The following CNTN4 variants were observed in gnomAD, a reference collection of about 807,000 sequenced individuals.
CNTN4 encodes the protein contactin 4.
Under a neutral mutation model 122.5 loss-of-function variants are expected in CNTN4, and 77 were observed. The observed-to-expected ratio is 0.63, with a 90% CI of 0.52 to 0.76. The LOEUF (loss-of-function observed/expected upper bound fraction) is 0.76. Ranked by LOEUF, CNTN4 falls within the 30% of genes least tolerant of loss-of-function variation. The pLI, the probability that CNTN4 is intolerant of heterozygous loss-of-function variation, is 0.00. For missense variants in CNTN4, 1,256 were observed against 1,259.1 expected, an observed-to-expected ratio of 1.00 and a Z score of 0.04; for synonymous variants, 512 against 447.0, an observed-to-expected ratio of 1.15 and a Z score of -1.83.
intron 3 of CNTN4, among the ~76,000 whole-genome samples, chr3:2,448,140 C>T (rs1295743705): frequency 6.6e-6 from 1 of 152,026 alleles, no homozygotes; most frequent in Non-Finnish European, 1.5e-5. Flanking sequence ...CCTGTGGTCC[C>T]CTATGATGAG....
chr3:2,442,299 G>A (rs1559556036), intron 3 of CNTN4, among the ~76,000 whole-genome samples: 1 of 151,934 alleles, frequency 6.6e-6, no homozygotes, highest in African/African-American at 2.4e-5. Context: ...GTCTGGAACT[G>A]CCAAAAAAAT....
chr3:2,238,618 T>G (rs2039774864), intron 2 of CNTN4, among the ~76,000 whole-genome samples: 1 of 151,830 alleles, frequency 6.6e-6, no homozygotes, highest in Non-Finnish European at 1.5e-5. Context: ...TAATAAAATG[T>G]ATGTATTTTG....
Position 2,521,357 on chromosome 3 carries a change from C to T in CNTN4, c.-88-50059C>T, listed in dbSNP as rs1217047948. On this transcript the variant is annotated intron_variant, in intron 3 of 24. Coordinates refer to ENST00000418658, the MANE Select transcript of CNTN4 (RefSeq NM_175607.3). The stretch of plus-strand genomic sequence containing the variant: ...ACCTCTACCCATCCCCCCCACCCCC[C>T]GCAATAAGTCACTCATTTCTCAGGT... 7.4e-5 allele frequency among the ~76,000 whole-genome samples: 11 copies of T among 147,814 alleles called. No individual in the cohort carries two copies. The South Asian group carries it at 1.3e-3, about 18-fold the overall frequency.
chr3:2,731,239 T>C (rs2088657313), intron 4 of CNTN4, among the ~76,000 whole-genome samples: 2 of 152,172 alleles, frequency 1.3e-5, no homozygotes, highest in Non-Finnish European at 2.9e-5. Flanking sequence ...TTTCTGATAA[T>C]CCAAAGATTT....
intron 2 of CNTN4, among the ~76,000 whole-genome samples, chr3:2,148,296 G>A (rs1289754631): frequency 2.0e-5 from 3 of 152,108 alleles, no homozygotes; most frequent in Non-Finnish European, 4.4e-5. Flanking sequence ...CACTTTGGGA[G>A]GCCTAGGTGA....
At chr3:2,472,254 T>G (rs761981768) in intron 3 of CNTN4, among the ~76,000 whole-genome samples, 25 of 152,222 alleles carry the variant, frequency 1.6e-4, no homozygotes, top group Non-Finnish European at 2.5e-4. Context: ...CATTCATTTG[T>G]TTTTGAGACA....
rs1210971247 is a variant in CNTN4 at position 2,287,632 on chromosome 3, GAGA to G, written c.-144-51488_-144-51486del. 5.5e-3 allele frequency among the ~76,000 whole-genome samples: 274 copies of G among 49,380 alleles called. 1 individual carries two copies. Among genetic ancestry groups the G allele is most frequent in the African/African-American group, 0.012 (163 of 13,982 alleles). 32.4% of individuals were successfully genotyped at this position (49,380 alleles called of 152,430 possible). On this transcript the variant is annotated intron_variant, in intron 2 of 24. Coordinates refer to ENST00000418658, the MANE Select transcript of CNTN4 (RefSeq NM_175607.3). The stretch of plus-strand genomic sequence containing the variant: ...AAAGAAGGAGAAGGAGAAGGAGAAG[GAGA>G]AGAAGAAGAAGAAGAAGAAGAAGAA...
At chr3:2,287,931 A>G (rs1474642578) in intron 2 of CNTN4, among the ~76,000 whole-genome samples, 1 of 152,154 alleles carries the variant, frequency 6.6e-6, no homozygotes. Flanking sequence ...CTTATTGTAA[A>G]CTTGGTAAAT....
At chr3:2,581,925 G>A (rs2079958492) in intron 4 of CNTN4, among the ~76,000 whole-genome samples, 1 of 152,146 alleles carries the variant, frequency 6.6e-6, no homozygotes, top group African/African-American at 2.4e-5. Context: ...TTCCATTTAT[G>A]GACTGTCCAG....
intron 3 of CNTN4, among the ~76,000 whole-genome samples, chr3:2,490,454 C>G (rs1345599377): frequency 6.6e-6 from 1 of 152,114 alleles, no homozygotes; most frequent in East Asian, 1.9e-4. Flanking sequence ...TTTTTAGTGG[C>G]CTACCAAAAA....
intron 4 of CNTN4, among the ~76,000 whole-genome samples, chr3:2,681,329 A>G (rs375488464): frequency 8.4e-4 from 128 of 152,324 alleles, no homozygotes; most frequent in African/African-American, 2.4e-3. Flanking sequence ...CAGAATTTCT[A>G]AATGTTTTTT....
chr3:2,982,551 A>G (rs1694129661), intron 13 of CNTN4, among the ~76,000 whole-genome samples: 2 of 152,104 alleles, frequency 1.3e-5, no homozygotes, highest in South Asian at 2.1e-4. Context: ...CTTTCTCTAT[A>G]TGGTAGGCAA....
At chr3:2,292,331 T>C (rs2042164178) in intron 2 of CNTN4, among the ~76,000 whole-genome samples, 2 of 152,250 alleles carry the variant, frequency 1.3e-5, no homozygotes, top group Admixed American at 6.5e-5. Context: ...TTAGGATTTA[T>C]TGAAACACAG....
At chr3:2,492,207 AT>A (rs1280493337) in intron 3 of CNTN4, among the ~76,000 whole-genome samples, 3 of 152,188 alleles carry the variant, frequency 2.0e-5, no homozygotes, top group Non-Finnish European at 4.4e-5. Flanking sequence ...TTGAATTTTG[AT>A]GTAAAAGGTG....
intron 2 of CNTN4, among the ~76,000 whole-genome samples, chr3:2,128,347 T>C (rs561151810): frequency 6.6e-4 from 100 of 152,350 alleles, no homozygotes; most frequent in African/African-American, 2.2e-3. Context: ...ATACTTATTA[T>C]GCAGTAGATT....
chr3:2,165,044 C>T (rs1016116927), intron 2 of CNTN4, among the ~76,000 whole-genome samples: 3 of 152,118 alleles, frequency 2.0e-5, no homozygotes, highest in Admixed American at 2.0e-4. Flanking sequence ...CTAAGGTGGC[C>T]AGGCCTGGTG....
At chr3:2,107,189 A>T (rs921327160) in intron 2 of CNTN4, among the ~76,000 whole-genome samples, 2 of 152,244 alleles carry the variant, frequency 1.3e-5, no homozygotes, top group African/African-American at 4.8e-5. Flanking sequence ...CTGTTACCCA[A>T]TTACAAAGTT....
chr3:2,247,017 A>C (rs1559376536), intron 2 of CNTN4, among the ~76,000 whole-genome samples: 1 of 152,076 alleles, frequency 6.6e-6, no homozygotes, highest in African/African-American at 2.4e-5. Context: ...GGTTAAGTAC[A>C]AGCATAGAAT....
At chr3:2,162,231 T>C (rs1258229454) in intron 2 of CNTN4, among the ~76,000 whole-genome samples, 6 of 152,238 alleles carry the variant, frequency 3.9e-5, no homozygotes, top group Admixed American at 3.3e-4. Flanking sequence ...TTTATCAACA[T>C]GAGGTTTCCA....
Sources: gnomAD v4.1 joint callset for allele counts (sites outside exome capture counted in the v4.1 genomes callset) on GRCh38, gnomAD v4.1.1 for gene constraint, MANE v1.5 for transcripts, NCBI Gene and HGNC (gene_info 2026-07-23, HGNC 2026-07-21) for gene names.